Variants in EXPH5 observed in about 807,000 individuals in gnomAD.
EXPH5 encodes exophilin-5.
EXPH5 carries 42 observed loss-of-function variants against 41.1 expected under a neutral mutation model. The ratio of observed to expected loss-of-function variants is 1.02; its 90% confidence interval spans 0.80 to 1.32. EXPH5 has a LOEUF of 1.32. Among genes scored for constraint, EXPH5 ranks in the 40% most tolerant of loss-of-function variants. EXPH5 has a pLI of 0.00. For synonymous variants in EXPH5, 798 were observed against 833.5 expected (o/e 0.96, Z 0.73); for missense variants, 2,298 against 2,314.5 (o/e 0.99, Z 0.15).
intron 1 of EXPH5, among the ~76,000 whole-genome samples, chr11:108,588,067 A>AT (rs1227909642): frequency 6.6e-6 from 1 of 152,224 alleles, no homozygotes; most frequent in Non-Finnish European, 1.5e-5. Context: ...TTTTAATAAC[A>AT]TATGATAACT....
chr11:108,582,420 C>T (rs2094101105), intron 1 of EXPH5, among the ~76,000 whole-genome samples: 1 of 151,528 alleles, frequency 6.6e-6, no homozygotes, highest in African/African-American at 2.4e-5. Context: ...GGGCTGAGAT[C>T]ACGCCACTGC....
chr11:108,510,086 T>C lies in EXPH5; in HGVS notation c.5421A>G (p.Leu1807=). Residue 1807 remains leucine, a synonymous_variant, in exon 6 of 6, where the codon CTA becomes CTG. Coordinates refer to ENST00000265843, the MANE Select transcript of EXPH5 (RefSeq NM_015065.3). ...LKSINVHGDL[L]RKSHPPKVRE... ...TGACTTTTGGAGGATGGCTTTTTCG[T>C]AGTAGATCGCCATGAACATTAATGC... The C allele has an allele frequency of 3.1e-6, 5 of 1,612,488 alleles. No homozygotes were observed. The highest frequency in any genetic ancestry group is 4.2e-6 in the Non-Finnish European group (5 of 1,179,548).
At chr11:108,525,913 C>G (rs1409312414) in intron 4 of EXPH5, among the ~76,000 whole-genome samples, 1 of 134,132 alleles carries the variant, frequency 7.5e-6, no homozygotes, top group African/African-American at 3.1e-5. Context: ...TTTTCTTTTT[C>G]TTTTCTTTTT....
the EXPH5 span, among the ~76,000 whole-genome samples, chr11:108,604,361 A>T: frequency 6.6e-6 from 1 of 152,088 alleles, no homozygotes; most frequent in Admixed American, 6.6e-5. Context: ...GTGCCACTGC[A>T]TTCCAGCCTG....
At chr11:108,566,596 T>C (rs1364509688) in intron 1 of EXPH5, among the ~76,000 whole-genome samples, 4 of 152,308 alleles carry the variant, frequency 2.6e-5, no homozygotes, top group South Asian at 2.1e-4. Flanking sequence ...CTCATGCCTA[T>C]AATTCTAGCA....
chr11:108,509,776 A>G lies in EXPH5; in HGVS notation c.5731T>C (p.Trp1911Arg). 6.2e-7 allele frequency: 1 copy of G among 1,608,576 alleles called. No individual in the cohort carries two copies. Among genetic ancestry groups the G allele is most frequent in the Middle Eastern group, 1.7e-4 (1 of 6,000 alleles). ...VKRSLTQGRLWKPSFLKNPGF... is the reference protein window; with the variant it reads ...VKRSLTQGRLRKPSFLKNPGF... The stretch of plus-strand genomic sequence containing the variant: ...GGGTTCTTAAGAAAACTTGGTTTCC[A>G]TAATCTTCCTTGTGTAAGTGACCTC... Residue 1911 changes from tryptophan (W) to arginine (R), a missense_variant, in exon 6 of 6, where the codon TGG becomes CGG. Coordinates refer to ENST00000265843, the MANE Select transcript of EXPH5 (RefSeq NM_015065.3).
rs774380050 is a variant in EXPH5 at position 108,510,679 on chromosome 11, C to T, written c.4828G>A (p.Val1610Ile). The change falls in exon 6 of 6, where the codon GTA becomes ATA. Residue 1610 changes from valine to isoleucine, a missense_variant. Physicochemically the swap from Val to Ile is conservative, Grantham distance 29. Coordinates refer to ENST00000265843, the MANE Select transcript of EXPH5 (RefSeq NM_015065.3). ...GTAGCTACATGTCTTCTGGGGCTTA[C>T]ATCTTTAGCTGGGAATTTTCTGCTG... Reference protein sequence around the residue: ...KASRKFPAKDVSPRRHVATIF... With the variant: ...KASRKFPAKDISPRRHVATIF... 6.2e-7 allele frequency: 1 copy of T among 1,614,188 alleles called. No individual in the cohort carries two copies. The highest frequency in any genetic ancestry group is 1.7e-5 in the Admixed American group (1 of 60,022).
intron 5 of EXPH5, among the ~76,000 whole-genome samples, chr11:108,517,834 T>C (rs755581263): frequency 1.2e-4 from 18 of 152,054 alleles, no homozygotes; most frequent in Middle Eastern, 3.4e-3. Flanking sequence ...TCTCGGCTCA[T>C]TGCAACCTCC....
At chr11:108,550,773 C>A (rs565146553) in intron 1 of EXPH5, among the ~76,000 whole-genome samples, 1 of 151,158 alleles carries the variant, frequency 6.6e-6, no homozygotes, top group Non-Finnish European at 1.5e-5. Flanking sequence ...AGTGAGACTT[C>A]GTCTCAAAAA....
intron 1 of EXPH5, among the ~76,000 whole-genome samples, chr11:108,579,416 A>G (rs1355603686): frequency 6.6e-6 from 1 of 151,858 alleles, no homozygotes; most frequent in African/African-American, 2.4e-5. Flanking sequence ...TCAGTTTGCT[A>G]GTATTTTGTT....
chr11:108,562,265 G>GTT (rs35527615), intron 1 of EXPH5, among the ~76,000 whole-genome samples: 1,822 of 104,546 alleles, frequency 0.017, 81 homozygotes, highest in East Asian at 0.12. Context: ...TTTTTTCTGT[G>GTT]TTTTTTTTTT....
intron 1 of EXPH5, among the ~76,000 whole-genome samples, chr11:108,584,877 T>C (rs2094108960): frequency 1.3e-5 from 2 of 152,186 alleles, no homozygotes; most frequent in Non-Finnish European, 2.9e-5. Context: ...AAAAGCATGA[T>C]TCATAAAAGA....
chr11:108,544,018 C>T (rs368675025), intron 1 of EXPH5, among the ~76,000 whole-genome samples: 5 of 152,136 alleles, frequency 3.3e-5, no homozygotes, highest in East Asian at 3.9e-4. Flanking sequence ...TTGGAGCCCT[C>T]GCTAATTGTC....
At position 108,508,520 on chromosome 11, in the gene EXPH5, C is replaced by CA. The variant is rs1169945040; in HGVS notation, c.*1016dup. On this transcript the variant is annotated 3_prime_UTR_variant, in exon 6 of 6. Transcript: ENST00000265843. The stretch of plus-strand genomic sequence containing the variant: ...AAACTCCGTCTCCAAAAAACAAAAA[C>CA]AAAACAAAACCAAACAAAAAACAAA... 1 of 152,296 alleles carries CA rather than the reference C, an allele frequency of 6.6e-6. No homozygotes were observed. The allele number at this position is 152,296 out of a possible 1,614,324, so 9.4% of individuals were successfully genotyped here. A position where few individuals can be genotyped will look rare whatever the true frequency, so the allele number is the denominator to read the frequency against.
chr11:108,557,906 G>A (rs2093996677), intron 1 of EXPH5, among the ~76,000 whole-genome samples: 1 of 152,044 alleles, frequency 6.6e-6, no homozygotes, highest in Non-Finnish European at 1.5e-5. Flanking sequence ...AAATTAGGGG[G>A]TTGAACTAGA....
At chr11:108,588,534 T>G (rs2094119855) in intron 1 of EXPH5, among the ~76,000 whole-genome samples, 1 of 152,186 alleles carries the variant, frequency 6.6e-6, no homozygotes, top group Admixed American at 6.5e-5. Flanking sequence ...GCATGTCACT[T>G]ACCCTTTCTA....
intron 1 of EXPH5, among the ~76,000 whole-genome samples, chr11:108,570,430 T>A (rs1294892030): frequency 6.6e-6 from 1 of 151,910 alleles, no homozygotes; most frequent in Non-Finnish European, 1.5e-5. Context: ...AAGTTTTGTA[T>A]TTTTAGTAGA....
chr11:108,584,131 T>C (rs950957407), intron 1 of EXPH5, among the ~76,000 whole-genome samples: 10 of 152,236 alleles, frequency 6.6e-5, no homozygotes, highest in South Asian at 2.1e-4. Flanking sequence ...GGATGGCTTA[T>C]TTAACTCAGT....
the EXPH5 span, among the ~76,000 whole-genome samples, chr11:108,603,912 A>G: frequency 1.3e-5 from 2 of 152,212 alleles, no homozygotes; most frequent in Non-Finnish European, 2.9e-5. Flanking sequence ...GCGAACACAG[A>G]CTTCAGAGAT....
Sources: gnomAD v4.1 joint callset for allele counts (sites outside exome capture counted in the v4.1 genomes callset) on GRCh38, gnomAD v4.1.1 for gene constraint, MANE v1.5 for transcripts, NCBI Gene and HGNC (gene_info 2026-07-23, HGNC 2026-07-21) for gene names.